The following ATP1A4 variants were observed in gnomAD, a reference collection of about 807,000 sequenced individuals.
The protein encoded by ATP1A4 is sodium/potassium-transporting ATPase subunit alpha-4.
ATP1A4 carries 90 observed loss-of-function variants against 114.3 expected under a neutral mutation model. That is an observed-to-expected ratio of 0.79 (90% CI 0.66 to 0.94). ATP1A4 has a LOEUF of 0.94. ATP1A4 is among the 40% of genes least tolerant of loss of function. ATP1A4 has a pLI of 0.00. For synonymous variants in ATP1A4, 511 were observed against 494.1 expected (o/e 1.03, Z -0.45); for missense variants, 1,222 against 1,313.6 (o/e 0.93, Z 1.08).
chr1:160,186,480 C>T (rs796792944), intron 21 of ATP1A4, 113 bp downstream of exon 21: 6 of 1,077,386 alleles, frequency 5.6e-6, no homozygotes, highest in African/African-American at 1.5e-5. Context: ...CTCCTCGCTG[C>T]CAGCCTTGAC....
In ATP1A4 at chr1:160,167,068, C is replaced by T; in HGVS notation, c.1347C>T (p.Pro449=). 1 of 1,614,002 alleles carries T rather than the reference C, an allele frequency of 6.2e-7. No homozygotes were observed. The highest frequency in any genetic ancestry group is 2.2e-5 in the East Asian group (1 of 44,874). The part of the protein sequence containing the change: ...ADFKANQEIL[P]IAKRATTGDA... ...TTAAGGCTAATCAGGAGATCCTGCC[C>T]ATTGCTAAGGTGTCAGGCCCAAGGG... The change falls in exon 9 of 22, where the codon CCC becomes CCT. Residue 449 remains proline (P), a synonymous_variant. Coordinates refer to ENST00000368081, the MANE Select transcript of ATP1A4 (RefSeq NM_144699.4).
chr1:160,173,479 T>C (rs1352111301), intron 12 of ATP1A4, 102 bp from the exon 13 acceptor site: 22 of 1,494,876 alleles, frequency 1.5e-5, no homozygotes, highest in Non-Finnish European at 1.8e-5. Flanking sequence ...ACTAAAACCC[T>C]TGTTGAAAAA....
At chr1:160,159,907 T>C (rs1652810855) in intron 6 of ATP1A4, among the ~76,000 whole-genome samples, 1 of 152,250 alleles carries the variant, frequency 6.6e-6, no homozygotes, top group South Asian at 2.1e-4. Context: ...GTCATTCTTC[T>C]CTTAAGGTAA....
intron 4 of ATP1A4, among the ~76,000 whole-genome samples, chr1:160,158,429 C>T (rs986099945): frequency 1.3e-5 from 2 of 151,984 alleles, no homozygotes; most frequent in African/African-American, 2.4e-5. Flanking sequence ...CAGACTGAAG[C>T]GTAGTGATGT....
At position 160,181,760 on chromosome 1, in the gene ATP1A4, C is replaced by T. The variant is rs773940781; in HGVS notation, c.2813C>T (p.Ala938Val). 4 of 1,613,942 alleles carry T rather than the reference C, an allele frequency of 2.5e-6. No individual in the cohort carries two copies. The highest frequency in any genetic ancestry group is 4.5e-5 in the East Asian group (2 of 44,864). The change falls in exon 19 of 22, where the codon GCG (alanine) becomes GTG (valine). Residue 938 changes from alanine (A) to valine (V), a missense_variant. Physicochemically the swap from Ala to Val is moderately conservative, Grantham distance 64. Transcript: ENST00000368081. ...GTCACCATCGTGGTTGTGCAGTGGG[C>T]GGATCTCATCATCTCCAAGACTCGC... is the stretch of plus-strand genomic sequence containing the variant. ...FFVTIVVVQW[A>V]DLIISKTRRN...
At chr1:160,180,898 T>C (rs1653671870) in intron 18 of ATP1A4, among the ~76,000 whole-genome samples, 1 of 151,870 alleles carries the variant, frequency 6.6e-6, no homozygotes, top group African/African-American at 2.4e-5. Flanking sequence ...GTATTTTTAG[T>C]AGAGACGGGG....
chr1:160,152,016 C>T lies in ATP1A4; in HGVS notation c.-25C>T, dbSNP rs199933555. The T allele has an allele frequency of 2.2e-4, 353 of 1,602,150 alleles. 1 individual carries two copies. Among genetic ancestry groups the T allele is most frequent in the Middle Eastern group, 2.0e-3 (12 of 5,978 alleles). On this transcript the variant is annotated 5_prime_UTR_variant, in exon 1 of 22. Coordinates refer to ENST00000368081, the MANE Select transcript of ATP1A4 (RefSeq NM_144699.4). ...TCAGCTTTCTTCCCACAGTTGAGCT[C>T]GGGCAGCTCTTTCTGGGGATAGCTA...
chr1:160,174,447 A>G, intron 14 of ATP1A4, 132 bp from the exon 15 acceptor site: 3 of 1,446,692 alleles, frequency 2.1e-6, no homozygotes, highest in Non-Finnish European at 2.8e-6. Context: ...GAGGAGTGGG[A>G]GAAGGACGGG....
chr1:160,167,456 G>T, intron 10 of ATP1A4, 44 bp downstream of exon 10: 1 of 1,600,476 alleles, frequency 6.2e-7, no homozygotes, highest in Non-Finnish European at 8.5e-7. Flanking sequence ...GGGGGGATGG[G>T]CTTATCACTG....
chr1:160,161,745 G>A (rs1221021659), intron 6 of ATP1A4, among the ~76,000 whole-genome samples: 1 of 152,142 alleles, frequency 6.6e-6, no homozygotes, highest in Non-Finnish European at 1.5e-5. Context: ...TCTATAGAAT[G>A]CCTCGGCCTG....
intron 18 of ATP1A4, among the ~76,000 whole-genome samples, chr1:160,179,183 C>G (rs1413536899): frequency 6.6e-6 from 1 of 152,172 alleles, no homozygotes; most frequent in Admixed American, 6.5e-5. Flanking sequence ...CCCTCACATA[C>G]AGTTGGCTTC....
In ATP1A4 at chr1:160,164,166, GGGTATTGT is replaced by G. The variant is rs781746397; in HGVS notation, c.791_798del (p.Gly264AspfsTer29). ...CTGCTTCATCCACAGGAACCGCCCG[GGGTATTGT>G]GATTGCTACGGGAGACTCCACAGTG... On this transcript the variant is annotated frameshift_variant, in exon 7 of 22. Transcript: ENST00000368081. LOFTEE classifies it high-confidence loss of function. 4.3e-6 allele frequency: 7 copies of G among 1,614,110 alleles called. No individual in the cohort carries two copies. Among genetic ancestry groups the G allele is most frequent in the Non-Finnish European group, 5.1e-6 (6 of 1,179,992 alleles).
At chr1:160,166,946 T>G (rs1653061568) in intron 8 of ATP1A4, 22 bp from the exon 9 acceptor site, 1 of 1,609,582 alleles carries the variant, frequency 6.2e-7, no homozygotes, top group African/African-American at 1.3e-5. Context: ...CTGCTCACAA[T>G]TCTTCTTTTC....
chr1:160,155,129 G>T lies in ATP1A4; in HGVS notation c.292G>T (p.Val98Phe). ...CCCACCCCCCACCACTCCAGAATGGGTCAAATTCTGTAAGCAACTGTTCGG... is the reference window on the plus strand; with the variant it reads ...CCCACCCCCCACCACTCCAGAATGGTTCAAATTCTGTAAGCAACTGTTCGG... ...VTPPPTTPEW[V>F]KFCKQLFGGF... The change falls in exon 3 of 22, where the codon GTC becomes TTC. Residue 98 changes from valine to phenylalanine, a missense_variant. By Grantham distance (50) the Val-to-Phe change is conservative. Coordinates refer to ENST00000368081, the MANE Select transcript of ATP1A4 (RefSeq NM_144699.4). 1 of 1,613,898 alleles carries T rather than the reference G, an allele frequency of 6.2e-7. No homozygotes were observed.
rs527303426 is a variant in ATP1A4 at position 160,186,086 on chromosome 1, C to CAAAAAAAAAAAAAAAAAAAAAAA, written c.2970-168_2970-167insAAAAAAAAAAAAAAAAAAAAAAA. 4.9e-4 allele frequency among the ~76,000 whole-genome samples: 16 copies of CAAAAAAAAAAAAAAAAAAAAAAA among 32,788 alleles called. 2 individuals are homozygous for CAAAAAAAAAAAAAAAAAAAAAAA. The highest frequency in any genetic ancestry group is 1.4e-3 in the African/African-American group (11 of 7,896). 21.5% of individuals were successfully genotyped at this position (32,788 alleles called of 152,430 possible). On this transcript the variant is annotated intron_variant, in intron 20 of 21. Transcript: ENST00000368081. ...TGGGCAACAGAACAAGACTCTGTCG[C>CAAAAAAAAAAAAAAAAAAAAAAA]AAAAAAAAAAAAAAAAAAAAAAGGG...
Position 160,180,800 on chromosome 1 carries a change from C to T in ATP1A4, c.2737-884C>T, listed in dbSNP as rs1255492398. Among the ~76,000 whole-genome samples, 18 of 147,984 alleles carry T rather than the reference C, an allele frequency of 1.2e-4. 1 individual carries two copies. In the South Asian group the frequency reaches 3.2e-3, roughly 27 times the overall value. ...CATGATCTCGGCTCACTACAAGCTC[C>T]GCCTCCCGGGTTCACACCATTCTCT... On this transcript the variant is annotated intron_variant, in intron 18 of 21. Coordinates refer to ENST00000368081, the MANE Select transcript of ATP1A4 (RefSeq NM_144699.4).
intron 10 of ATP1A4, 49 bp downstream of exon 10, chr1:160,167,461 T>C (rs923787519): frequency 6.3e-7 from 1 of 1,599,526 alleles, no homozygotes; most frequent in African/African-American, 1.4e-5. Flanking sequence ...GATGGGCTTA[T>C]CACTGGAACA....
chr1:160,181,555 CAAAA>C (rs36029758), intron 18 of ATP1A4, 125 bp from the exon 19 acceptor site: 1,730 of 812,950 alleles, frequency 2.1e-3, no homozygotes, highest in Middle Eastern at 3.3e-3. Context: ...GACTTAGTCT[CAAAA>C]AAAAAAAAAA....
intron 6 of ATP1A4, among the ~76,000 whole-genome samples, chr1:160,160,522 A>G (rs748776040): frequency 5.9e-5 from 9 of 152,124 alleles, no homozygotes; most frequent in Non-Finnish European, 1.3e-4. Context: ...CAGCCTAGAA[A>G]TATTTTTTAT....
Sources: allele counts gnomAD v4.1 joint callset (sites outside exome capture counted in the v4.1 genomes callset), GRCh38; gene constraint gnomAD v4.1.1; transcripts MANE v1.5; gene names NCBI Gene and HGNC (gene_info 2026-07-23, HGNC 2026-07-21).